The following HIP1 variants were observed in gnomAD, a reference collection of about 807,000 sequenced individuals.
HIP1 encodes huntingtin interacting protein 1, also known as huntingtin-interacting protein 1.
Under a neutral mutation model 147.6 loss-of-function variants are expected in HIP1, and 65 were observed. That is an observed-to-expected ratio of 0.44 (90% CI 0.36 to 0.54). The LOEUF is 0.54. HIP1 is among the 20% of genes least tolerant of loss of function. HIP1 has a pLI of 0.00. For synonymous variants in HIP1, 479 were observed against 504.0 expected, an observed-to-expected ratio of 0.95 and a Z score of 0.67; for missense variants, 1,061 against 1,299.6, an observed-to-expected ratio of 0.82 and a Z score of 2.82.
At chr7:75,557,255 T>C (rs1048297756) in intron 16 of HIP1, among the ~76,000 whole-genome samples, 4 of 151,672 alleles carry the variant, frequency 2.6e-5, no homozygotes, top group East Asian at 1.9e-4. Flanking sequence ...GCCAGGCTGG[T>C]CTCGAACTCC....
chr7:75,659,447 G>A (rs1025874758), intron 1 of HIP1, among the ~76,000 whole-genome samples: 1 of 147,372 alleles, frequency 6.8e-6, no homozygotes, highest in East Asian at 2.0e-4. Flanking sequence ...TCACTTGATC[G>A]AGATCAGCCT....
At chr7:75,659,725 T>A (rs1459368071) in intron 1 of HIP1, among the ~76,000 whole-genome samples, 4 of 152,178 alleles carry the variant, frequency 2.6e-5, no homozygotes, top group African/African-American at 4.8e-5. Flanking sequence ...CTGGGGTTAC[T>A]TGCCTCAAAA....
chr7:75,600,040 TG>T (rs1796917534), intron 1 of HIP1, among the ~76,000 whole-genome samples: 1 of 151,690 alleles, frequency 6.6e-6, no homozygotes. Context: ...TTCACCATGT[TG>T]GTTGGCCAGG....
chr7:75,657,401 G>C (rs1277341102), intron 1 of HIP1, among the ~76,000 whole-genome samples: 3 of 151,812 alleles, frequency 2.0e-5, no homozygotes, highest in African/African-American at 7.3e-5. Flanking sequence ...ATGGTGGCAG[G>C]CACCTGTAAT....
intron 15 of HIP1, 78 bp downstream of exon 15, chr7:75,558,089 G>A (rs1795085955): frequency 8.4e-7 from 1 of 1,186,810 alleles, no homozygotes; most frequent in African/African-American, 1.5e-5. Flanking sequence ...GCTGGCCCCG[G>A]GGAAGCCACA....
chr7:75,720,576 T>A (rs1801470338), intron 1 of HIP1, among the ~76,000 whole-genome samples: 1 of 152,204 alleles, frequency 6.6e-6, no homozygotes, highest in Admixed American at 6.6e-5. Flanking sequence ...CAGCCTGCAA[T>A]CACTTATTAA....
Position 75,538,640 on chromosome 7 carries a change from T to C in HIP1, c.3062-416A>G, listed in dbSNP as rs1399874572. Among the ~76,000 whole-genome samples, 13 of 147,152 alleles carry C rather than the reference T, an allele frequency of 8.8e-5. No homozygotes were observed. In the Admixed American group the frequency reaches 9.0e-4, roughly 10 times the overall value. On this transcript the variant is annotated intron_variant, in intron 30 of 30. Coordinates refer to ENST00000336926, the MANE Select transcript of HIP1 (RefSeq NM_005338.7). ...CCCAGGCTGGAGTGCAGTGGCGCGA[T>C]CTCGGCTCACTGCAAGCTCCGCCTC...
intron 1 of HIP1, among the ~76,000 whole-genome samples, chr7:75,608,134 G>C (rs782243179): frequency 3.3e-5 from 5 of 152,060 alleles, no homozygotes; most frequent in Admixed American, 3.3e-4. Context: ...GTGAAACCTC[G>C]TCTCTACTAA....
Position 75,544,796 on chromosome 7 carries a change from C to A in HIP1, c.2665G>T (p.Ala889Ser), listed in dbSNP as rs1554490632. Reference sequence around the variant, plus strand: ...CTGCCTTGTACCACCAGATCAGCTGCATCCCTGATGGAAAACGACAAGAGG... The same window carrying A: ...CTGCCTTGTACCACCAGATCAGCTGAATCCCTGATGGAAAACGACAAGAGG... ...VGWGATVMVD[A>S]ADLVVQGRGK... The change falls in exon 27 of 31, where the codon GCA (alanine) becomes TCA (serine). Residue 889 changes from alanine (A) to serine (S), a missense_variant. Around this residue, in one of 3 missense-constraint regions of HIP1, gnomAD observed 810 missense variants for 946.8 expected, o/e 0.86. Transcript: ENST00000336926. 1 of 1,603,880 alleles carries A rather than the reference C, an allele frequency of 6.2e-7. No individual in the cohort carries two copies. The highest frequency in any genetic ancestry group is 8.5e-7 in the Non-Finnish European group (1 of 1,170,826).
chr7:75,548,743 C>T (rs1794666020), intron 23 of HIP1, 148 bp downstream of exon 23: 3 of 690,236 alleles, frequency 4.3e-6, no homozygotes, highest in Admixed American at 2.0e-5. Context: ...GGGTTACAGG[C>T]ATGAGCCACT....
At chr7:75,635,564 A>C (rs35634249) in intron 1 of HIP1, among the ~76,000 whole-genome samples, 25,756 of 135,680 alleles carry the variant, frequency 0.19, 2,760 homozygotes, top group Non-Finnish European at 0.25. Flanking sequence ...GGTGACAGAG[A>C]GAGACTCCAT....
In HIP1 at chr7:75,536,574, G is replaced by T; in HGVS notation, c.*1598C>A. 1 of 230,758 alleles carries T rather than the reference G, an allele frequency of 4.3e-6. No homozygotes were observed. The highest frequency in any genetic ancestry group is 8.6e-6 in the Non-Finnish European group (1 of 116,482). The allele number at this position is 230,758 out of a possible 1,614,324, so 14.3% of individuals were successfully genotyped here. A position where few individuals can be genotyped will look rare whatever the true frequency, so the allele number is the denominator to read the frequency against. On this transcript the variant is annotated 3_prime_UTR_variant, in exon 31 of 31. Transcript: ENST00000336926. The stretch of plus-strand genomic sequence containing the variant: ...ATCTAGAAGAGGAAAAGTGCTGTTG[G>T]GCTGCCCATCCCTGGCAAGCTGTTC...
At chr7:75,618,403 A>C (rs587605282) in intron 1 of HIP1, among the ~76,000 whole-genome samples, 80 of 152,220 alleles carry the variant, frequency 5.3e-4, no homozygotes, top group Admixed American at 1.1e-3. Flanking sequence ...CATCTGCCTC[A>C]GCCTCCCAAA....
At chr7:75,550,480 T>G (rs963253540) in intron 22 of HIP1, among the ~76,000 whole-genome samples, 3 of 152,144 alleles carry the variant, frequency 2.0e-5, no homozygotes, top group Non-Finnish European at 2.9e-5. Flanking sequence ...GGTGCGATCA[T>G]AGCTCACTGC....
In HIP1 at chr7:75,538,011, G is replaced by A. The variant is rs1794151583; in HGVS notation, c.*161C>T. On this transcript the variant is annotated 3_prime_UTR_variant, in exon 31 of 31. Transcript: ENST00000336926. ...GTCCAAACAGAAAGGGTGTCGCTAT[G>A]GAGGGAGTCTTTGGAAGTGTCATGC... is the stretch of plus-strand genomic sequence containing the variant. The A allele has an allele frequency of 5.7e-6, 4 of 697,572 alleles. No homozygotes were observed. The highest frequency in any genetic ancestry group is 7.9e-6 in the Non-Finnish European group (3 of 378,092). 43.2% of individuals were successfully genotyped at this position (697,572 alleles called of 1,614,324 possible).
At chr7:75,557,596 C>T in intron 16 of HIP1, 58 bp downstream of exon 16, 2 of 1,300,326 alleles carry the variant, frequency 1.5e-6, no homozygotes, top group Non-Finnish European at 2.2e-6. Context: ...CACAAAGCCC[C>T]CGCCACCAAC....
chr7:75,596,281 C>T (rs2116993554), intron 2 of HIP1, among the ~76,000 whole-genome samples: 1 of 147,624 alleles, frequency 6.8e-6, no homozygotes, highest in East Asian at 2.0e-4. Context: ...TTTAATTAGG[C>T]ATTTCAAACC....
intron 4 of HIP1, among the ~76,000 whole-genome samples, chr7:75,587,800 C>T (rs1796340558): frequency 6.6e-6 from 1 of 152,054 alleles, no homozygotes; most frequent in African/African-American, 2.4e-5. Context: ...CCCATCTCTA[C>T]AAAAAATTAA....
In HIP1 at chr7:75,738,888, C is replaced by A; in HGVS notation, c.33G>T (p.Val11=). ...TCAGCACCTTGGGCAGTGGGTTGGG[C>A]ACCTGCTTCATGGAGCTGGCCATCC... MDRMASSMKQ[V]PNPLPKVLSR... Residue 11 remains valine (V), a synonymous_variant, in exon 1 of 31, where the codon GTG becomes GTT. Transcript: ENST00000336926. The A allele has an allele frequency of 6.4e-7, 1 of 1,565,842 alleles. No individual in the cohort carries two copies. The highest frequency in any genetic ancestry group is 2.4e-5 in the East Asian group (1 of 41,274).
Sources: allele counts gnomAD v4.1 joint callset (sites outside exome capture counted in the v4.1 genomes callset), GRCh38; gene constraint gnomAD v4.1.1; regional missense constraint gnomAD v4.1.1; transcripts MANE v1.5; gene names NCBI Gene and HGNC (gene_info 2026-07-23, HGNC 2026-07-21).